Variants in TMOD1 observed in about 807,000 individuals in gnomAD.
The protein encoded by TMOD1 is tropomodulin-1.
Under a neutral mutation model 40.6 loss-of-function variants are expected in TMOD1, and 17 were observed. The ratio of observed to expected loss-of-function variants is 0.42; its 90% CI spans 0.29 to 0.63. TMOD1 has a LOEUF of 0.63. Among genes scored for constraint, TMOD1 ranks in the 20% least tolerant of loss-of-function variants. The pLI is 0.22. For missense variants in TMOD1, 391 were observed against 447.6 expected (o/e 0.87, Z 1.14); for synonymous variants, 181 against 175.0 (o/e 1.03, Z -0.27).
At chr9:97,589,508 T>C (rs917298976) in intron 8 of TMOD1, among the ~76,000 whole-genome samples, 5 of 151,868 alleles carry the variant, frequency 3.3e-5, no homozygotes, top group African/African-American at 1.2e-4. Context: ...CTGGATTTCT[T>C]GACCTCGTGA....
intron 4 of TMOD1, 28 bp from the exon 5 acceptor site, chr9:97,562,704 A>T (rs1032032011): frequency 3.3e-6 from 5 of 1,499,700 alleles, no homozygotes; most frequent in Non-Finnish European, 4.4e-6. Context: ...GCAGAGGCAC[A>T]TCATGAGCCC....
intron 7 of TMOD1, 146 bp downstream of exon 7, chr9:97,566,101 G>T: frequency 1.6e-6 from 1 of 623,830 alleles, no homozygotes; most frequent in Non-Finnish European, 2.7e-6. Context: ...GCCATGAGGG[G>T]TGTAGAGGGA....
chr9:97,559,815 A>G (rs78078516), intron 4 of TMOD1, among the ~76,000 whole-genome samples: 58 of 53,096 alleles, frequency 1.1e-3, no homozygotes, highest in African/African-American at 4.6e-3. Flanking sequence ...ATATATATAT[A>G]TATATATATG....
At position 97,524,274 on chromosome 9, in the gene TMOD1, C is replaced by T; in HGVS notation, c.86C>T (p.Thr29Ile). The T allele has an allele frequency of 6.2e-7, 1 of 1,614,082 alleles. No homozygotes were observed. ...GCCCTAACAGAGGAAGAGCTGAGGACCCTGGAAAATGAGCTGGATGAGCTG... is the reference window on the plus strand; with the variant it reads ...GCCCTAACAGAGGAAGAGCTGAGGATCCTGGAAAATGAGCTGGATGAGCTG... The part of the protein sequence containing the change: ...LGALTEEELR[T>I]LENELDELDP... Residue 29 changes from threonine (T) to isoleucine (I), a missense_variant, in exon 2 of 10, where the codon ACC (threonine) becomes ATC (isoleucine). Physicochemically the swap from Thr to Ile is moderately conservative, Grantham distance 89 (BLOSUM62 -1). Coordinates refer to ENST00000259365, the MANE Select transcript of TMOD1 (RefSeq NM_003275.4).
chr9:97,556,537 G>A (rs1435758132), intron 4 of TMOD1, among the ~76,000 whole-genome samples: 1 of 152,188 alleles, frequency 6.6e-6, no homozygotes, highest in Non-Finnish European at 1.5e-5. Flanking sequence ...GGTATGGCCT[G>A]TCTCCCAAGT....
chr9:97,524,315 AG>A lies in TMOD1; in HGVS notation c.120+9del. 6.2e-7 allele frequency: 1 copy of A among 1,612,720 alleles called. No individual in the cohort carries two copies. The highest frequency in any genetic ancestry group is 1.1e-5 in the South Asian group (1 of 90,786). On this transcript the variant is annotated splice_region_variant and intron_variant, in intron 2 of 9. Coordinates refer to ENST00000259365, the MANE Select transcript of TMOD1 (RefSeq NM_003275.4). Reference sequence around the variant, plus strand: ...GGATGAGCTGGACCCTGATGTGAGTAGGTGCTAAAGGGAAGCACATTGTCAC... The same window carrying A: ...GGATGAGCTGGACCCTGATGTGAGTAGTGCTAAAGGGAAGCACATTGTCAC...
intron 8 of TMOD1, among the ~76,000 whole-genome samples, chr9:97,587,717 A>C (rs540567346): frequency 3.8e-4 from 58 of 152,214 alleles, no homozygotes; most frequent in African/African-American, 1.3e-3. Flanking sequence ...TATCACTCAA[A>C]AAAGAAACTC....
intron 1 of TMOD1, among the ~76,000 whole-genome samples, 162 bp from the exon 2 acceptor site, chr9:97,523,979 A>T (rs1434788632): frequency 2.0e-5 from 3 of 152,228 alleles, no homozygotes; most frequent in Non-Finnish European, 4.4e-5. Flanking sequence ...GCACAGTTTT[A>T]TTAGAGAATT....
chr9:97,520,960 GTCTGTCCATGAC>G (rs1161038065), intron 1 of TMOD1, among the ~76,000 whole-genome samples: 9 of 152,090 alleles, frequency 5.9e-5, no homozygotes, highest in Admixed American at 4.6e-4. Flanking sequence ...ATTCTCCAGG[GTCTGTCCATGAC>G]TCTTTTTCTA....
At chr9:97,525,484 T>C (rs915753764) in intron 2 of TMOD1, among the ~76,000 whole-genome samples, 1 of 152,240 alleles carries the variant, frequency 6.6e-6, no homozygotes, top group African/African-American at 2.4e-5. Flanking sequence ...CCCTGTTTCA[T>C]TCCCCATTCT....
At chr9:97,591,259 A>T (rs552375324) in intron 8 of TMOD1, 32 bp from the exon 9 acceptor site, 85 of 1,565,470 alleles carry the variant, frequency 5.4e-5, no homozygotes, top group Non-Finnish European at 7.1e-5. Context: ...TGGTGATTTT[A>T]TTTTTTATTT....
In TMOD1 at chr9:97,601,229, T is replaced by C. The variant is rs150926420; in HGVS notation, c.*1531T>C. The C allele has an allele frequency of 1.9e-4, 243 of 1,270,796 alleles. 2 individuals are homozygous for C. In the African/African-American group the frequency reaches 3.2e-3, roughly 17 times the overall value. The allele number at this position is 1,270,796 out of a possible 1,614,324, so 78.7% of individuals were successfully genotyped here. A position where few individuals can be genotyped will look rare whatever the true frequency, so the allele number is the denominator to read the frequency against. Reference sequence around the variant, plus strand: ...TTCTGCATCGCTGAAAACTGCAATATAATATTAAATCTGTTGGTCTATGCA... The same window carrying C: ...TTCTGCATCGCTGAAAACTGCAATACAATATTAAATCTGTTGGTCTATGCA... On this transcript the variant is annotated 3_prime_UTR_variant, in exon 10 of 10. Coordinates refer to ENST00000259365, the MANE Select transcript of TMOD1 (RefSeq NM_003275.4).
intron 1 of TMOD1, among the ~76,000 whole-genome samples, chr9:97,518,074 C>T (rs1466117785): frequency 6.6e-6 from 1 of 152,260 alleles, no homozygotes; most frequent in African/African-American, 2.4e-5. Flanking sequence ...CTCTTCACCA[C>T]AGCTGCCCCA....
chr9:97,600,865 A>G lies in TMOD1; in HGVS notation c.*1167A>G. On this transcript the variant is annotated 3_prime_UTR_variant, in exon 10 of 10. Transcript: ENST00000259365. ...GATCCAGCAAAAGTGTTAAGCCACA[A>G]TGCCCTTGTGCCTTTTAATATACCA... 3 of 1,098,664 alleles carry G rather than the reference A, an allele frequency of 2.7e-6. No individual in the cohort carries two copies. Among genetic ancestry groups the G allele is most frequent in the Non-Finnish European group, 3.4e-6 (3 of 892,576 alleles). 68.1% of individuals were successfully genotyped at this position (1,098,664 alleles called of 1,614,324 possible). A position where few individuals can be genotyped will look rare whatever the true frequency, so the allele number is the denominator to read the frequency against.
chr9:97,515,333 G>A (rs1367756731), intron 1 of TMOD1, among the ~76,000 whole-genome samples: 1 of 152,146 alleles, frequency 6.6e-6, no homozygotes, highest in Non-Finnish European at 1.5e-5. Flanking sequence ...AGGCTGGAGT[G>A]CAATGGCATG....
intron 1 of TMOD1, among the ~76,000 whole-genome samples, chr9:97,504,553 A>C (rs1829560194): frequency 6.6e-6 from 1 of 152,182 alleles, no homozygotes; most frequent in Admixed American, 6.5e-5. Flanking sequence ...GACCTTCCTT[A>C]GTGACTTGCA....
chr9:97,563,508 T>C (rs1166392443), intron 5 of TMOD1, among the ~76,000 whole-genome samples: 1 of 152,208 alleles, frequency 6.6e-6, no homozygotes, highest in African/African-American at 2.4e-5. Flanking sequence ...GCCTTTATCA[T>C]CCACATGGAT....
chr9:97,551,010 ATATATTTTTTTTTTTTTTTTT>A (rs1293896072), intron 3 of TMOD1, among the ~76,000 whole-genome samples: 2 of 42,242 alleles, frequency 4.7e-5, no homozygotes, highest in East Asian at 5.2e-4. Context: ...ATATATATAT[ATATATTTTTTTTTTTTTTTTT>A]TTTTTTTTTT....
intron 2 of TMOD1, among the ~76,000 whole-genome samples, chr9:97,530,839 G>A (rs1388518070): frequency 7.0e-6 from 1 of 142,016 alleles, no homozygotes; most frequent in African/African-American, 2.7e-5. Flanking sequence ...CCAGATTGGA[G>A]TGCAACGGCG....
Sources: allele counts gnomAD v4.1 joint callset (sites outside exome capture counted in the v4.1 genomes callset), GRCh38; gene constraint gnomAD v4.1.1; transcripts MANE v1.5; gene names NCBI Gene and HGNC (gene_info 2026-07-23, HGNC 2026-07-21).